The following BABAM2 variants were observed in gnomAD, a reference collection of about 807,000 sequenced individuals.
BABAM2 encodes the protein BRISC and BRCA1 A complex member 2, also known as BRISC and BRCA1-A complex member 2.
A neutral mutation model predicts 54.7 loss-of-function variants in BABAM2; 31 were observed. The ratio of observed to expected loss-of-function variants is 0.57; its 90% CI spans 0.43 to 0.77. BABAM2 has a LOEUF of 0.77. BABAM2 is among the 30% of genes least tolerant of loss of function. The pLI is 0.00. For synonymous variants in BABAM2, 167 were observed against 162.9 expected (o/e 1.03, Z -0.19); for missense variants, 364 against 455.8 (o/e 0.80, Z 1.83).
At chr2:27,930,907 T>C (rs1668046533) in intron 3 of BABAM2, among the ~76,000 whole-genome samples, 1 of 152,208 alleles carries the variant, frequency 6.6e-6, no homozygotes, top group Admixed American at 6.5e-5. Flanking sequence ...AGGTTTTTCC[T>C]ATTCCTAAAA....
chr2:28,071,111 C>G (rs1191907759), intron 6 of BABAM2, among the ~76,000 whole-genome samples: 4 of 152,136 alleles, frequency 2.6e-5, no homozygotes, highest in Admixed American at 2.6e-4. Context: ...TCACAACTTT[C>G]TTCCTCCCTC....
intron 2 of BABAM2, among the ~76,000 whole-genome samples, chr2:27,916,782 C>G (rs1667001229): frequency 6.6e-6 from 1 of 152,138 alleles, no homozygotes; most frequent in South Asian, 2.1e-4. Flanking sequence ...CTTGGTTACC[C>G]AAGCTAAAAG....
At chr2:27,890,507 C>G, upstream of BABAM2, 1 of 635,826 alleles carries the variant, frequency 1.6e-6, no homozygotes, top group Non-Finnish European at 2.8e-6. This position sits in a 1 kb window ranked among gnomAD's most constrained non-coding sequence, Gnocchi z 4.8. Flanking sequence ...CACCAAGTGT[C>G]CCCTCTTCTT....
At chr2:27,915,622 A>T (rs1257055179) in intron 2 of BABAM2, among the ~76,000 whole-genome samples, 1 of 152,242 alleles carries the variant, frequency 6.6e-6, no homozygotes, top group Non-Finnish European at 1.5e-5. Context: ...CTCATATAGC[A>T]GATGCTAAGT....
chr2:27,969,077 C>T (rs753645294), intron 3 of BABAM2, among the ~76,000 whole-genome samples: 14 of 152,092 alleles, frequency 9.2e-5, no homozygotes, highest in Non-Finnish European at 1.5e-4. Flanking sequence ...ATGCTGTTCT[C>T]GTGATAGTGA....
chr2:27,890,469 C>T, upstream of BABAM2: 1 of 858,276 alleles, frequency 1.2e-6, no homozygotes, highest in East Asian at 2.7e-5. The surrounding 1 kb of genome is among the most constrained non-coding windows in gnomAD (Gnocchi z 4.8). Flanking sequence ...CGCGGGTCGC[C>T]CACCTGACTG....
intron 7 of BABAM2, among the ~76,000 whole-genome samples, chr2:28,199,064 C>G (rs1677964294): frequency 6.6e-6 from 1 of 152,196 alleles, no homozygotes; most frequent in African/African-American, 2.4e-5. Context: ...TACCATGGTT[C>G]TATCCCAGCC....
intron 7 of BABAM2, among the ~76,000 whole-genome samples, chr2:28,184,784 C>T (rs1357152525): frequency 1.3e-5 from 2 of 152,168 alleles, no homozygotes; most frequent in African/African-American, 4.8e-5. Flanking sequence ...AATAAACATA[C>T]ATGTGCATGT....
chr2:27,912,726 C>G (rs540302634), intron 2 of BABAM2, among the ~76,000 whole-genome samples: 2 of 152,180 alleles, frequency 1.3e-5, no homozygotes, highest in Admixed American at 1.3e-4. Flanking sequence ...ATTGGATGAC[C>G]CCTTCAAACT....
At chr2:28,289,746 A>G (rs1297801638) in intron 10 of BABAM2, among the ~76,000 whole-genome samples, 1 of 152,144 alleles carries the variant, frequency 6.6e-6, no homozygotes, top group Non-Finnish European at 1.5e-5. Context: ...AGCCGAGATC[A>G]CGCTACCACA....
intron 2 of BABAM2, among the ~76,000 whole-genome samples, chr2:27,906,476 T>C (rs1666196215): frequency 6.6e-6 from 1 of 152,214 alleles, no homozygotes; most frequent in Non-Finnish European, 1.5e-5. Flanking sequence ...CTCTTGCATA[T>C]GGTGTTTTAT....
At chr2:27,962,558 AT>A (rs1270109348) in intron 3 of BABAM2, among the ~76,000 whole-genome samples, 1 of 152,368 alleles carries the variant, frequency 6.6e-6, no homozygotes. Context: ...AAATGAAGTT[AT>A]CAAAAGATTT....
chr2:28,132,644 T>C (rs1236953361), intron 7 of BABAM2, among the ~76,000 whole-genome samples: 1 of 152,168 alleles, frequency 6.6e-6, no homozygotes, highest in Non-Finnish European at 1.5e-5. Flanking sequence ...CCTGTTGAAA[T>C]ACTATACTTT....
intron 5 of BABAM2, among the ~76,000 whole-genome samples, chr2:28,034,868 T>C (rs1676552807): frequency 6.6e-6 from 1 of 152,192 alleles, no homozygotes; most frequent in African/African-American, 2.4e-5. Context: ...ATTTGGCAGC[T>C]TACGTAGGTC....
chr2:28,089,730 A>G lies in BABAM2; in HGVS notation c.571-39541A>G, dbSNP rs1049182818. Among the ~76,000 whole-genome samples the G allele has an allele frequency of 1.3e-5, 2 of 152,232 alleles. 1 individual carries two copies. Among genetic ancestry groups the G allele is most frequent in the Non-Finnish European group, 2.9e-5 (2 of 68,030 alleles). The stretch of plus-strand genomic sequence containing the variant: ...CAAATCTTATGAGTAAGAAGACTTA[A>G]TATTCCACTAGTTACATAATGGCAG... On this transcript the variant is annotated intron_variant, in intron 6 of 11. Transcript: ENST00000379624.
intron 4 of BABAM2, among the ~76,000 whole-genome samples, chr2:28,010,307 T>C (rs1049828791): frequency 6.6e-6 from 1 of 152,156 alleles, no homozygotes; most frequent in Non-Finnish European, 1.5e-5. Flanking sequence ...AAATATAGAT[T>C]CTGTTTTTCC....
intron 7 of BABAM2, among the ~76,000 whole-genome samples, chr2:28,197,156 A>C (rs984045784): frequency 6.6e-6 from 1 of 151,968 alleles, no homozygotes; most frequent in Non-Finnish European, 1.5e-5. Context: ...CCTGGCCAAG[A>C]CCCTGCCTCT....
chr2:28,099,786 A>G (rs1473638144), intron 6 of BABAM2, among the ~76,000 whole-genome samples: 3 of 152,144 alleles, frequency 2.0e-5, no homozygotes, highest in Non-Finnish European at 4.4e-5. Context: ...CAGTAATCCT[A>G]ATAACATTTC....
At chr2:28,098,582 G>A (rs1666813609) in intron 6 of BABAM2, among the ~76,000 whole-genome samples, 1 of 151,952 alleles carries the variant, frequency 6.6e-6, no homozygotes. Flanking sequence ...ATTCAGTCAA[G>A]TAGCTACCCT....
Sources: allele counts gnomAD v4.1 joint callset (sites outside exome capture counted in the v4.1 genomes callset), GRCh38; gene constraint gnomAD v4.1.1; non-coding constraint Gnocchi (gnomAD v3.1); transcripts MANE v1.5; gene names NCBI Gene and HGNC (gene_info 2026-07-23, HGNC 2026-07-21).